PDLIM1: variants seen among roughly 807,000 people sequenced by gnomAD.
PDLIM1 encodes PDZ and LIM domain 1, also known as PDZ and LIM domain protein 1.
A neutral mutation model predicts 35.2 loss-of-function variants in PDLIM1; 25 were observed. That is an observed-to-expected ratio of 0.71 (90% CI 0.52 to 0.99). The LOEUF (loss-of-function observed/expected upper bound fraction) is 0.99, where lower values mean the gene tolerates loss of function less well. Ranked by LOEUF, PDLIM1 falls within the 50% of genes least tolerant of loss-of-function variation. PDLIM1 has a pLI of 0.00. For missense variants in PDLIM1, 363 were observed against 415.3 expected, an observed-to-expected ratio of 0.87 and a Z score of 1.09; for synonymous variants, 152 against 154.0, an observed-to-expected ratio of 0.99 and a Z score of 0.10.
chr10:95,251,514 T>C (rs1459039172), intron 4 of PDLIM1, among the ~76,000 whole-genome samples: 1 of 152,060 alleles, frequency 6.6e-6, no homozygotes, highest in Non-Finnish European at 1.5e-5. Flanking sequence ...AGGCAGAAGT[T>C]GCTAAAACAA....
intron 4 of PDLIM1, among the ~76,000 whole-genome samples, chr10:95,262,032 G>T (rs1413759505): frequency 6.6e-5 from 10 of 150,966 alleles, no homozygotes; most frequent in Non-Finnish European, 1.5e-4. Flanking sequence ...AAGAAAGAAA[G>T]AAATCTTAGT....
At chr10:95,275,638 T>C (rs1190799530) in intron 1 of PDLIM1, among the ~76,000 whole-genome samples, 3 of 152,226 alleles carry the variant, frequency 2.0e-5, no homozygotes, top group Non-Finnish European at 2.9e-5. Context: ...TCCTGAAGCA[T>C]GACCACTCAC....
intron 1 of PDLIM1, among the ~76,000 whole-genome samples, chr10:95,274,303 T>C (rs902776731): frequency 5.9e-5 from 9 of 151,314 alleles, no homozygotes; most frequent in African/African-American, 1.9e-4. Flanking sequence ...CTTTTTTTTT[T>C]TTTTTTTGAG....
At position 95,263,887 on chromosome 10, in the gene PDLIM1, G is replaced by A. The variant is rs759663261; in HGVS notation, c.510C>T (p.Ser170=). ...NNALESKTAA[S]GVEANSRPLD... Reference sequence around the variant, plus strand: ...ACGGTCTGCTGTTCGCCTCCACCCCGCTGGCAGCAGTCTTTGACTCCAGGG... The same window carrying A: ...ACGGTCTGCTGTTCGCCTCCACCCCACTGGCAGCAGTCTTTGACTCCAGGG... Residue 170 remains serine (S), a synonymous_variant, in exon 4 of 7, where the codon AGC becomes AGT. Coordinates refer to ENST00000329399, the MANE Select transcript of PDLIM1 (RefSeq NM_020992.4). The A allele has an allele frequency of 5.6e-6, 9 of 1,613,276 alleles. No homozygotes were observed. The highest frequency in any genetic ancestry group is 2.2e-5 in the East Asian group (1 of 44,860).
In PDLIM1 at chr10:95,290,201, C is replaced by T. The variant is rs903263187; in HGVS notation, c.96+619G>A. ...AATGCTAGGAAGAATGACGGCGGGG[C>T]CACGTTCTGCAGAGGGGAGAATGAC... On this transcript the variant is annotated intron_variant, in intron 1 of 6. Transcript: ENST00000329399. The surrounding 1 kb of genome is among the most constrained non-coding windows in gnomAD (Gnocchi z 4.7). Among the ~76,000 whole-genome samples the T allele has an allele frequency of 1.2e-4, 18 of 152,234 alleles. No individual in the cohort carries two copies. Among genetic ancestry groups the T allele is most frequent in the Admixed American group, 3.3e-4 (5 of 15,296 alleles).
chr10:95,264,270 G>C (rs2035393396), intron 3 of PDLIM1, among the ~76,000 whole-genome samples: 1 of 152,124 alleles, frequency 6.6e-6, no homozygotes, highest in African/African-American at 2.4e-5. Context: ...ACCTGTGCGA[G>C]TTCACACCCC....
intron 5 of PDLIM1, among the ~76,000 whole-genome samples, chr10:95,245,809 TA>T (rs1297083748): frequency 6.6e-6 from 1 of 152,200 alleles, no homozygotes; most frequent in South Asian, 2.1e-4. Flanking sequence ...CCACTCTCTC[TA>T]AAGAAATCAC....
At chr10:95,281,696 T>C (rs1054166667) in intron 1 of PDLIM1, among the ~76,000 whole-genome samples, 5 of 152,180 alleles carry the variant, frequency 3.3e-5, no homozygotes, top group African/African-American at 9.7e-5. Context: ...CTCACTGTGT[T>C]GGCCAAGGTG....
intron 1 of PDLIM1, among the ~76,000 whole-genome samples, chr10:95,288,896 G>A (rs990115532): frequency 2.0e-5 from 3 of 152,172 alleles, no homozygotes; most frequent in East Asian, 1.9e-4. Context: ...TTTCTGAGGC[G>A]TTTGCACAGT....
chr10:95,277,562 G>A (rs1348968666), intron 1 of PDLIM1, among the ~76,000 whole-genome samples: 1 of 152,108 alleles, frequency 6.6e-6, no homozygotes, highest in Non-Finnish European at 1.5e-5. Flanking sequence ...AGAATTGCTT[G>A]AACCCAGGAG....
At chr10:95,252,512 A>T (rs2035275979) in intron 4 of PDLIM1, among the ~76,000 whole-genome samples, 3 of 152,256 alleles carry the variant, frequency 2.0e-5, no homozygotes, top group Non-Finnish European at 4.4e-5. Context: ...TTGAAAAATC[A>T]CATCTCTCAG....
chr10:95,278,962 A>G (rs1376789141), intron 1 of PDLIM1, among the ~76,000 whole-genome samples: 4 of 152,244 alleles, frequency 2.6e-5, no homozygotes, highest in East Asian at 3.8e-4. Context: ...ACTGACAGCT[A>G]GATGGGGTTC....
At chr10:95,282,437 G>T (rs1368128487) in intron 1 of PDLIM1, among the ~76,000 whole-genome samples, 1 of 152,200 alleles carries the variant, frequency 6.6e-6, no homozygotes, top group African/African-American at 2.4e-5. Flanking sequence ...TCAGGGAAAT[G>T]AGGCAATAAA....
At chr10:95,245,155 C>G (rs2035209273) in intron 5 of PDLIM1, among the ~76,000 whole-genome samples, 4 of 152,168 alleles carry the variant, frequency 2.6e-5, no homozygotes, top group Admixed American at 2.6e-4. Flanking sequence ...AATCCTAATT[C>G]CCAGACTCTC....
At chr10:95,241,595 C>T (rs1170355533) in intron 5 of PDLIM1, among the ~76,000 whole-genome samples, 1 of 152,156 alleles carries the variant, frequency 6.6e-6, no homozygotes, top group East Asian at 1.9e-4. Flanking sequence ...ACTCATATGG[C>T]CCAAAATGTC....
chr10:95,269,425 A>G (rs2133430447), intron 2 of PDLIM1, among the ~76,000 whole-genome samples: 1 of 151,954 alleles, frequency 6.6e-6, no homozygotes, highest in Non-Finnish European at 1.5e-5. Context: ...TACAAAAATT[A>G]GCCGGGTGTG....
In PDLIM1 at chr10:95,290,626, G is replaced by A. The variant is rs977396688; in HGVS notation, c.96+194C>T. On this transcript the variant is annotated intron_variant, in intron 1 of 6. Transcript: ENST00000329399. This position sits in a 1 kb window ranked among gnomAD's most constrained non-coding sequence, Gnocchi z 4.7. ...GCGCCCGCGGCGGGCCGACCAGCCCGGGAGCGCAGCCTCCGCGAAGGGGCG... is the reference window on the plus strand; with the variant it reads ...GCGCCCGCGGCGGGCCGACCAGCCCAGGAGCGCAGCCTCCGCGAAGGGGCG... Among the ~76,000 whole-genome samples, 1 of 151,736 alleles carries A rather than the reference G, an allele frequency of 6.6e-6. No homozygotes were observed. Among genetic ancestry groups the A allele is most frequent in the African/African-American group, 2.4e-5 (1 of 41,356 alleles).
chr10:95,238,137 C>T (rs758919967), intron 6 of PDLIM1, 26 bp from the exon 7 acceptor site: 5 of 1,603,788 alleles, frequency 3.1e-6, no homozygotes, highest in Admixed American at 3.4e-5. Flanking sequence ...AGGGAAGGGA[C>T]TCCATCAGTG....
chr10:95,279,493 T>G (rs992618416), intron 1 of PDLIM1, among the ~76,000 whole-genome samples: 42 of 152,326 alleles, frequency 2.8e-4, no homozygotes, highest in African/African-American at 1.0e-3. Context: ...GTGAGGCAAT[T>G]CAAACCCCAA....
Sources: gnomAD v4.1 joint callset for allele counts (sites outside exome capture counted in the v4.1 genomes callset) on GRCh38, gnomAD v4.1.1 for gene constraint, Gnocchi (gnomAD v3.1) non-coding constraint, MANE v1.5 for transcripts, NCBI Gene and HGNC (gene_info 2026-07-23, HGNC 2026-07-21) for gene names.